Variants in HRH1 observed in about 807,000 individuals in gnomAD.
HRH1 encodes histamine receptor H1.
A neutral mutation model predicts 10.3 loss-of-function variants in HRH1; 6 were observed. That is an observed-to-expected ratio of 0.58 (90% CI 0.32 to 1.15). The LOEUF is 1.15. HRH1 is among the 50% of genes most tolerant of loss of function. The probability of loss-of-function intolerance (pLI) is 0.05; values close to 1 mark genes in which losing one functional copy is unlikely to be tolerated. For missense variants in HRH1, 514 were observed against 615.3 expected (o/e 0.84, Z 1.74); for synonymous variants, 242 against 236.7 (o/e 1.02, Z -0.21).
In HRH1 at chr3:11,259,406, T is replaced by C. The variant is rs377038682; in HGVS notation, c.369T>C (p.Ile123=). The change falls in exon 2 of 2, where the codon ATT becomes ATC. Residue 123 remains isoleucine (I), a synonymous_variant. Coordinates refer to ENST00000431010, the MANE Select transcript of HRH1 (RefSeq NM_001098212.2). This position sits in a 1 kb window ranked among gnomAD's most constrained non-coding sequence, Gnocchi z 4.6. ...TTTTCAGTGTCTTCATCCTGTGCAT[T>C]GATCGCTACCGCTCTGTCCAGCAGC... ...ASIFSVFILC[I]DRYRSVQQPL... The C allele has an allele frequency of 1.1e-5, 17 of 1,613,894 alleles. No individual in the cohort carries two copies. In the South Asian group the frequency reaches 1.1e-4, roughly 10 times the overall value.
intron 1 of HRH1, among the ~76,000 whole-genome samples, chr3:11,212,161 G>A (rs780259681): frequency 3.3e-5 from 5 of 152,120 alleles, no homozygotes; most frequent in African/African-American, 9.7e-5. Context: ...ATAGAATTGC[G>A]ACAGGAATAA....
intron 1 of HRH1, among the ~76,000 whole-genome samples, chr3:11,181,964 A>G (rs1448584513): frequency 6.8e-6 from 1 of 147,888 alleles, no homozygotes; most frequent in Non-Finnish European, 1.5e-5. Context: ...TTGTCTTTCC[A>G]TTGTTCATGC....
intron 1 of HRH1, among the ~76,000 whole-genome samples, chr3:11,210,164 G>A (rs1376448368): frequency 1.3e-5 from 2 of 152,174 alleles, no homozygotes; most frequent in African/African-American, 4.8e-5. Flanking sequence ...GGCTGAGGCA[G>A]GCAGATCACT....
intron 1 of HRH1, among the ~76,000 whole-genome samples, chr3:11,247,476 C>A (rs1291056427): frequency 6.6e-6 from 1 of 152,094 alleles, no homozygotes; most frequent in Non-Finnish European, 1.5e-5. Context: ...CCAATCTAAG[C>A]TAATTCGATT....
intron 1 of HRH1, among the ~76,000 whole-genome samples, chr3:11,145,468 G>C (rs937039569): frequency 3.9e-5 from 6 of 152,138 alleles, no homozygotes; most frequent in African/African-American, 1.4e-4. Context: ...CCCACACACA[G>C]TGTGTCTAAT....
chr3:11,232,194 G>C (rs1357267906), intron 1 of HRH1, among the ~76,000 whole-genome samples: 1 of 152,036 alleles, frequency 6.6e-6, no homozygotes, highest in Non-Finnish European at 1.5e-5. Flanking sequence ...CACCATGTTG[G>C]CCAGGATGGT....
intron 1 of HRH1, among the ~76,000 whole-genome samples, chr3:11,183,414 A>G (rs964083504): frequency 3.3e-5 from 5 of 152,178 alleles, no homozygotes; most frequent in Non-Finnish European, 7.4e-5. Flanking sequence ...GTCAGAACTC[A>G]CAAAGGAGGG....
chr3:11,139,813 C>T (rs575150212), intron 1 of HRH1, among the ~76,000 whole-genome samples: 89 of 151,992 alleles, frequency 5.9e-4, no homozygotes, highest in African/African-American at 2.0e-3. Context: ...GATTCATGGT[C>T]GCCAAGAGAT....
chr3:11,191,231 G>A (rs952135100), intron 1 of HRH1, among the ~76,000 whole-genome samples: 4 of 152,266 alleles, frequency 2.6e-5, no homozygotes, highest in East Asian at 1.9e-4. Flanking sequence ...TATCTGTAAC[G>A]GGGTATACAC....
intron 1 of HRH1, among the ~76,000 whole-genome samples, chr3:11,144,876 A>T (rs1936397615): frequency 1.3e-5 from 2 of 152,116 alleles, no homozygotes; most frequent in South Asian, 4.1e-4. Context: ...ATCTCAAAAA[A>T]TATATAATAA....
chr3:11,171,325 A>G (rs967492203), intron 1 of HRH1, among the ~76,000 whole-genome samples: 2 of 152,172 alleles, frequency 1.3e-5, no homozygotes, highest in South Asian at 2.1e-4. Context: ...CGCATTGGCC[A>G]GGCTGGTCTC....
intron 1 of HRH1, among the ~76,000 whole-genome samples, chr3:11,195,737 A>G (rs1575001960): frequency 1.3e-5 from 2 of 152,322 alleles, no homozygotes; most frequent in South Asian, 4.2e-4. Context: ...AGCCGTCCCA[A>G]AGAAATCAAG....
intron 1 of HRH1, among the ~76,000 whole-genome samples, chr3:11,241,147 T>C (rs939841240): frequency 6.6e-6 from 1 of 152,194 alleles, no homozygotes; most frequent in African/African-American, 2.4e-5. Context: ...ATTGTTGAAA[T>C]CCTGAGAAAT....
chr3:11,224,903 G>A (rs928294051), intron 1 of HRH1, among the ~76,000 whole-genome samples: 1 of 152,112 alleles, frequency 6.6e-6, no homozygotes, highest in Non-Finnish European at 1.5e-5. Context: ...TCTTATCCTC[G>A]ATAAATATGC....
At chr3:11,187,984 C>T (rs558996902) in intron 1 of HRH1, among the ~76,000 whole-genome samples, 1 of 152,226 alleles carries the variant, frequency 6.6e-6, no homozygotes, top group African/African-American at 2.4e-5. Context: ...GCAAAGCTTT[C>T]CTGTGTATAA....
intron 1 of HRH1, among the ~76,000 whole-genome samples, chr3:11,244,351 G>A (rs1012878778): frequency 1.3e-5 from 2 of 152,230 alleles, no homozygotes; most frequent in African/African-American, 4.8e-5. Context: ...TCTGGGAAAT[G>A]TAGTTTCTAT....
intron 1 of HRH1, among the ~76,000 whole-genome samples, chr3:11,219,040 C>A (rs1232173671): frequency 6.6e-6 from 1 of 152,098 alleles, no homozygotes; most frequent in Non-Finnish European, 1.5e-5. Flanking sequence ...CAGGCATAAG[C>A]TACCATGCCC....
At chr3:11,179,637 G>C (rs1347123604) in intron 1 of HRH1, among the ~76,000 whole-genome samples, 1 of 150,572 alleles carries the variant, frequency 6.6e-6, no homozygotes, top group African/African-American at 2.4e-5. Flanking sequence ...AAAAAAGAAA[G>C]AAAGAAAGTC....
rs564342884 is a variant in HRH1 at position 11,262,330 on chromosome 3, C to T, written c.*1829C>T. Reference sequence around the variant, plus strand: ...TTTATTTATTTCTACCTTTCTGAGTCTCTTGGACTAAGAAGATGTTTTGAA... The same window carrying T: ...TTTATTTATTTCTACCTTTCTGAGTTTCTTGGACTAAGAAGATGTTTTGAA... On this transcript the variant is annotated 3_prime_UTR_variant, in exon 2 of 2. Transcript: ENST00000431010. 2 of 167,060 alleles carry T rather than the reference C, an allele frequency of 1.2e-5. No homozygotes were observed. The highest frequency in any genetic ancestry group is 2.9e-5 in the Non-Finnish European group (2 of 68,130). The allele number at this position is 167,060 out of a possible 1,614,324, so 10.3% of individuals were successfully genotyped here. A position where few individuals can be genotyped will look rare whatever the true frequency, so the allele number is the denominator to read the frequency against.
Sources: gnomAD v4.1 joint callset for allele counts (sites outside exome capture counted in the v4.1 genomes callset) on GRCh38, gnomAD v4.1.1 for gene constraint, Gnocchi (gnomAD v3.1) non-coding constraint, MANE v1.5 for transcripts, NCBI Gene and HGNC (gene_info 2026-07-23, HGNC 2026-07-21) for gene names.